The following FER variants were observed in gnomAD, a reference collection of about 807,000 sequenced individuals.
FER encodes tyrosine-protein kinase Fer.
In FER, 63 loss-of-function variants were observed where a neutral mutation model predicts 111.0. The ratio of observed to expected loss-of-function variants is 0.57; its 90% CI spans 0.46 to 0.70. The LOEUF is 0.70. Among genes scored for constraint, FER ranks in the 30% least tolerant of loss-of-function variants. The pLI is 0.00. For missense variants in FER, 914 were observed against 954.0 expected (o/e 0.96, Z 0.55); for synonymous variants, 327 against 313.9 (o/e 1.04, Z -0.44).
intron 16 of FER, among the ~76,000 whole-genome samples, chr5:109,055,931 G>A (rs377728404): frequency 1.0e-4 from 15 of 149,840 alleles, no homozygotes; most frequent in East Asian, 3.9e-4. Flanking sequence ...CTAAATAGAC[G>A]TTTCTCCAAA....
At chr5:109,170,592 A>G (rs1376566927) in intron 17 of FER, among the ~76,000 whole-genome samples, 1 of 152,184 alleles carries the variant, frequency 6.6e-6, no homozygotes, top group East Asian at 1.9e-4. Context: ...ATAATAGGTT[A>G]AGTTCCTAGC....
At chr5:109,115,290 G>C (rs772659485) in intron 17 of FER, among the ~76,000 whole-genome samples, 1 of 152,038 alleles carries the variant, frequency 6.6e-6, no homozygotes, top group Non-Finnish European at 1.5e-5. Context: ...TAAAATTAAA[G>C]ACTATTTAGG....
chr5:109,137,756 C>T (rs1753056899), intron 17 of FER, among the ~76,000 whole-genome samples: 1 of 152,046 alleles, frequency 6.6e-6, no homozygotes, highest in African/African-American at 2.4e-5. Flanking sequence ...TTTGTAGTAC[C>T]CCTGTGGCTT....
At chr5:108,810,730 A>G (rs935929180) in intron 3 of FER, among the ~76,000 whole-genome samples, 2 of 151,760 alleles carry the variant, frequency 1.3e-5, no homozygotes, top group African/African-American at 2.4e-5. Context: ...TGTTGAGCAG[A>G]GAGGGCCCAG....
intron 10 of FER, among the ~76,000 whole-genome samples, chr5:108,933,635 A>T (rs7723604): frequency 0.19 from 29,005 of 152,074 alleles, 3,152 homozygotes; most frequent in African/African-American, 0.3. Context: ...CTATGAAGAA[A>T]GTCAATGGTA....
chr5:109,071,196 A>G (rs1021522319), intron 16 of FER, among the ~76,000 whole-genome samples: 3 of 152,034 alleles, frequency 2.0e-5, no homozygotes, highest in Admixed American at 1.3e-4. Flanking sequence ...TTTAGTTGTC[A>G]TATCTCCTCA....
rs538117477 is a variant in FER, at chr5:108,799,581, A to G, written c.207+1192A>G. 5.3e-5 allele frequency among the ~76,000 whole-genome samples: 8 copies of G among 152,322 alleles called. No homozygotes were observed. In the East Asian group the frequency reaches 9.6e-4, roughly 18 times the overall value. The stretch of plus-strand genomic sequence containing the variant: ...AATACAGGACACCATTTGAATTTGC[A>G]TGCAGTATTTAGGACAAACATACAT... On this transcript the variant is annotated intron_variant, in intron 3 of 19. Coordinates refer to ENST00000281092, the MANE Select transcript of FER (RefSeq NM_005246.4).
chr5:108,912,948 C>G (rs1407427977), intron 10 of FER, among the ~76,000 whole-genome samples: 1 of 152,074 alleles, frequency 6.6e-6, no homozygotes, highest in African/African-American at 2.4e-5. Context: ...TAGATGAGTA[C>G]TCTTGGAGAT....
At chr5:109,122,107 C>A (rs897073716) in intron 17 of FER, among the ~76,000 whole-genome samples, 16 of 151,492 alleles carry the variant, frequency 1.1e-4, no homozygotes, top group African/African-American at 3.9e-4. Context: ...AATATTTCTT[C>A]TTATTTTGGT....
At chr5:109,037,354 G>A in intron 13 of FER, 68 bp from the exon 14 acceptor site, 1 of 1,346,328 alleles carries the variant, frequency 7.4e-7, no homozygotes, top group Non-Finnish European at 1.1e-6. Context: ...CTTTCCACTG[G>A]CTCAAATGCA....
At chr5:109,127,110 T>G (rs1015679118) in intron 17 of FER, among the ~76,000 whole-genome samples, 2 of 152,248 alleles carry the variant, frequency 1.3e-5, no homozygotes, top group African/African-American at 4.8e-5. Flanking sequence ...TCACATGTTA[T>G]AAATATGTAT....
rs559453810 is a variant in FER at position 109,065,213 on chromosome 5, A to G, written c.1924+18015A>G. Among the ~76,000 whole-genome samples the G allele has an allele frequency of 5.3e-5, 8 of 152,318 alleles. No individual in the cohort carries two copies. In the South Asian group the frequency reaches 1.7e-3, roughly 32 times the overall value. On this transcript the variant is annotated intron_variant, in intron 16 of 19. Coordinates refer to ENST00000281092, the MANE Select transcript of FER (RefSeq NM_005246.4). The stretch of plus-strand genomic sequence containing the variant: ...AGGAAAACTATAATTTCATTAAAAC[A>G]GTTTGGAGCCCATACTGTTTTTCCA...
chr5:108,951,607 T>C (rs559941734), intron 11 of FER, among the ~76,000 whole-genome samples: 4 of 152,230 alleles, frequency 2.6e-5, no homozygotes, highest in Non-Finnish European at 4.4e-5. Flanking sequence ...GATAATTAAA[T>C]GTCATTTTCA....
rs1221028423 is a variant in FER at position 108,836,583 on chromosome 5, CTA to C, written c.481+778_481+779del. Among the ~76,000 whole-genome samples, 5 of 152,160 alleles carry C rather than the reference CTA, an allele frequency of 3.3e-5. No individual in the cohort carries two copies. In the East Asian group the frequency reaches 9.6e-4, roughly 29 times the overall value. Reference sequence around the variant, plus strand: ...CTAAATAAAGCGTTTATTAGAATCTCTATTTTATTTTGGTTCTTAAATTCATC... The same window carrying C: ...CTAAATAAAGCGTTTATTAGAATCTCTTTTATTTTGGTTCTTAAATTCATC... On this transcript the variant is annotated intron_variant, in intron 5 of 19. Transcript: ENST00000281092.
chr5:108,829,836 A>G (rs1015561197), intron 3 of FER, among the ~76,000 whole-genome samples: 1 of 152,170 alleles, frequency 6.6e-6, no homozygotes, highest in Non-Finnish European at 1.5e-5. Context: ...TTGAGGAGAC[A>G]TTATAAAAAA....
At chr5:108,882,305 T>C (rs781260359) in intron 8 of FER, among the ~76,000 whole-genome samples, 6 of 152,084 alleles carry the variant, frequency 3.9e-5, no homozygotes, top group African/African-American at 2.4e-5. Context: ...AAAATAATAT[T>C]GCTATTACTG....
chr5:108,906,951 C>T (rs1295469386), intron 10 of FER, among the ~76,000 whole-genome samples: 1 of 152,208 alleles, frequency 6.6e-6, no homozygotes, highest in Admixed American at 6.5e-5. Flanking sequence ...GTCTATCTTT[C>T]TAACAGTGGT....
At chr5:109,066,998 A>C (rs1042293758) in intron 16 of FER, among the ~76,000 whole-genome samples, 2 of 152,192 alleles carry the variant, frequency 1.3e-5, no homozygotes, top group Non-Finnish European at 2.9e-5. Flanking sequence ...TGAAAGACAA[A>C]AATAACCTTG....
chr5:108,827,670 C>G (rs1199091795), intron 3 of FER, among the ~76,000 whole-genome samples: 1 of 151,688 alleles, frequency 6.6e-6, no homozygotes, highest in East Asian at 1.9e-4. Flanking sequence ...GGGGTGTTTT[C>G]ACTTGTCTTT....
Sources: allele counts gnomAD v4.1 joint callset (sites outside exome capture counted in the v4.1 genomes callset), GRCh38; gene constraint gnomAD v4.1.1; transcripts MANE v1.5; gene names NCBI Gene and HGNC (gene_info 2026-07-23, HGNC 2026-07-21).